CDH7: variants seen among roughly 807,000 people sequenced by gnomAD.
The protein encoded by CDH7 is cadherin-7.
A neutral mutation model predicts 71.8 loss-of-function variants in CDH7; 25 were observed. The ratio of observed to expected loss-of-function variants is 0.35; its 90% CI spans 0.25 to 0.49. The LOEUF is 0.49. Ranked by LOEUF, CDH7 falls within the 20% of genes least tolerant of loss-of-function variation. The pLI, the probability that CDH7 is intolerant of heterozygous loss-of-function variation, is 0.99. For synonymous variants in CDH7, 381 were observed against 363.8 expected, an observed-to-expected ratio of 1.05 and a Z score of -0.54; for missense variants, 862 against 974.6, an observed-to-expected ratio of 0.88 and a Z score of 1.54.
At chr18:65,857,705 C>A in intron 7 of CDH7, 111 bp from the exon 8 acceptor site, 2 of 1,016,236 alleles carry the variant, frequency 2.0e-6, no homozygotes, top group South Asian at 1.5e-5. Flanking sequence ...TATGACAGAT[C>A]AGAGAGTCAG....
At chr18:65,791,849 G>C (rs971700494) in intron 2 of CDH7, among the ~76,000 whole-genome samples, 1 of 152,062 alleles carries the variant, frequency 6.6e-6, no homozygotes, top group Non-Finnish European at 1.5e-5. Flanking sequence ...AATACAACTT[G>C]TCTGGTTTAA....
At chr18:65,874,718 T>C (rs1034377559) in intron 11 of CDH7, among the ~76,000 whole-genome samples, 2 of 151,640 alleles carry the variant, frequency 1.3e-5, no homozygotes, top group African/African-American at 4.8e-5. Flanking sequence ...TATACTTATA[T>C]ATGCATATAT....
chr18:65,889,831 T>C lies in CDH7; in HGVS notation c.*8937T>C. 6.6e-6 allele frequency: 1 copy of C among 152,118 alleles called. No homozygotes were observed. The allele number at this position is 152,118 out of a possible 1,614,324, so 9.4% of individuals were successfully genotyped here. ...CTGCCACATAGAGAAAAAAAGATAA[T>C]CTGCAAGAACATAAGGGACAAGGAT... On this transcript the variant is annotated 3_prime_UTR_variant, in exon 12 of 12. Coordinates refer to ENST00000397968, the MANE Select transcript of CDH7 (RefSeq NM_004361.5).
chr18:65,875,640 G>A (rs1015890280), intron 11 of CDH7, among the ~76,000 whole-genome samples: 3 of 152,106 alleles, frequency 2.0e-5, no homozygotes, highest in Non-Finnish European at 4.4e-5. Flanking sequence ...TAATGCTAAC[G>A]CTTTGGAAGA....
At position 65,858,964 on chromosome 18, in the gene CDH7, C is replaced by T; in HGVS notation, c.1412C>T (p.Thr471Ile). The T allele has an allele frequency of 6.2e-7, 1 of 1,611,274 alleles. No individual in the cohort carries two copies. The highest frequency in any genetic ancestry group is 8.5e-7 in the Non-Finnish European group (1 of 1,177,504). ...GTAGGAAGAGGCTATGTGGCCATCACTATACTTGACATCAATGATAACGCC... is the reference window on the plus strand; with the variant it reads ...GTAGGAAGAGGCTATGTGGCCATCATTATACTTGACATCAATGATAACGCC... ...SQVGRGYVAI[T>I]ILDINDNAPE... The change falls in exon 9 of 12, where the codon ACT becomes ATT. Residue 471 changes from threonine to isoleucine, a missense_variant. By Grantham distance (89) the Thr-to-Ile change is moderately conservative. Transcript: ENST00000397968.
At chr18:65,842,062 T>C (rs539506811) in intron 6 of CDH7, among the ~76,000 whole-genome samples, 1 of 152,282 alleles carries the variant, frequency 6.6e-6, no homozygotes, top group South Asian at 2.1e-4. Flanking sequence ...AGAAAAACAA[T>C]ATACTTGACT....
Position 65,762,752 on chromosome 18 carries a change from CGGA to C in CDH7, c.-88_-86del. ...TCTGGACTCCCAGCTGACACCCTGC[CGGA>C]GGCAAGAGCTACTAAGCCAACTGGA... On this transcript the variant is annotated 5_prime_UTR_variant, in exon 2 of 12. Transcript: ENST00000397968. The C allele has an allele frequency of 4.9e-6, 5 of 1,023,308 alleles. No homozygotes were observed. The highest frequency in any genetic ancestry group is 7.1e-6 in the Non-Finnish European group (5 of 705,502). 63.4% of individuals were successfully genotyped at this position (1,023,308 alleles called of 1,614,324 possible). A position where few individuals can be genotyped will look rare whatever the true frequency, so the allele number is the denominator to read the frequency against.
chr18:65,768,714 G>A (rs941955162), intron 2 of CDH7, among the ~76,000 whole-genome samples: 1 of 152,118 alleles, frequency 6.6e-6, no homozygotes, highest in Non-Finnish European at 1.5e-5. Context: ...ATAAGCAGCA[G>A]GACAGTCACT....
At chr18:65,869,554 T>A (rs1913866301) in intron 11 of CDH7, among the ~76,000 whole-genome samples, 1 of 139,990 alleles carries the variant, frequency 7.1e-6, no homozygotes, top group African/African-American at 2.6e-5. Context: ...AATTTTTTTT[T>A]TTTTTTTTTT....
chr18:65,849,044 A>G (rs761616333), intron 7 of CDH7, among the ~76,000 whole-genome samples: 12 of 152,170 alleles, frequency 7.9e-5, no homozygotes, highest in Non-Finnish European at 1.3e-4. Flanking sequence ...ATTTTATTCT[A>G]AGAAAATTAG....
At chr18:65,818,909 G>T (rs1911817170) in intron 4 of CDH7, among the ~76,000 whole-genome samples, 1 of 152,248 alleles carries the variant, frequency 6.6e-6, no homozygotes, top group Non-Finnish European at 1.5e-5. Context: ...CCATTTTGGT[G>T]ATGGCCATAC....
At chr18:65,866,318 A>AAC (rs1913754599) in intron 11 of CDH7, 1 of 4,932 alleles carries the variant, frequency 2.0e-4, no homozygotes, top group African/African-American at 4.8e-4. Flanking sequence ...AAAAAAACAA[A>AAC]AAAAAAAAAA....
At chr18:65,825,230 A>G (rs1372116770) in intron 6 of CDH7, among the ~76,000 whole-genome samples, 1 of 151,968 alleles carries the variant, frequency 6.6e-6, no homozygotes, top group African/African-American at 2.4e-5. Context: ...TGAAAATAAT[A>G]TGATTTCAAG....
At position 65,889,978 on chromosome 18, in the gene CDH7, C is replaced by A. The variant is rs1368714772; in HGVS notation, c.*9084C>A. On this transcript the variant is annotated 3_prime_UTR_variant, in exon 12 of 12. Transcript: ENST00000397968. ...ACTTTTTCTTTTTTTTTGACAAGGTCTCATTATGTTTCCCAGGCTGGCTTT... is the reference window on the plus strand; with the variant it reads ...ACTTTTTCTTTTTTTTTGACAAGGTATCATTATGTTTCCCAGGCTGGCTTT... The A allele has an allele frequency of 6.6e-6, 1 of 151,738 alleles. No homozygotes were observed. The highest frequency in any genetic ancestry group is 2.4e-5 in the African/African-American group (1 of 41,234). 9.4% of individuals were successfully genotyped at this position (151,738 alleles called of 1,614,324 possible).
chr18:65,795,879 G>T (rs1910894289), intron 2 of CDH7, among the ~76,000 whole-genome samples: 1 of 152,038 alleles, frequency 6.6e-6, no homozygotes, highest in Non-Finnish European at 1.5e-5. Flanking sequence ...TCATGATAGT[G>T]AGTTCTCACA....
chr18:65,809,226 G>A (rs548951515), intron 2 of CDH7, among the ~76,000 whole-genome samples: 23 of 152,128 alleles, frequency 1.5e-4, no homozygotes, highest in Non-Finnish European at 2.9e-4. Flanking sequence ...TGGGGACAGG[G>A]CAGGGAGGAG....
intron 2 of CDH7, among the ~76,000 whole-genome samples, chr18:65,802,505 C>T (rs1485031723): frequency 2.0e-5 from 3 of 152,112 alleles, no homozygotes; most frequent in Non-Finnish European, 4.4e-5. Flanking sequence ...CAACCAGCCC[C>T]ATTTTAAAAA....
At chr18:65,839,189 G>A (rs887696806) in intron 6 of CDH7, among the ~76,000 whole-genome samples, 1 of 152,108 alleles carries the variant, frequency 6.6e-6, no homozygotes, top group African/African-American at 2.4e-5. Flanking sequence ...GTTTTCACAT[G>A]TATTAATAAT....
intron 1 of CDH7, among the ~76,000 whole-genome samples, chr18:65,762,209 C>T (rs1298064560): frequency 3.3e-5 from 5 of 152,090 alleles, no homozygotes; most frequent in Admixed American, 1.3e-4. Flanking sequence ...AGCATGTGTC[C>T]TTCCCATTTG....
Sources: gnomAD v4.1 joint callset for allele counts (sites outside exome capture counted in the v4.1 genomes callset) on GRCh38, gnomAD v4.1.1 for gene constraint, MANE v1.5 for transcripts, NCBI Gene and HGNC (gene_info 2026-07-23, HGNC 2026-07-21) for gene names.